The following HMGCS1 variants were observed in gnomAD, a reference collection of about 807,000 sequenced individuals.
HMGCS1 encodes the protein hydroxymethylglutaryl-CoA synthase, cytoplasmic.
A neutral mutation model predicts 52.3 loss-of-function variants in HMGCS1; 9 were observed. The observed-to-expected ratio is 0.17, with a 90% confidence interval of 0.10 to 0.30. HMGCS1 has a LOEUF of 0.30. Among genes scored for constraint, HMGCS1 ranks in the 10% least tolerant of loss-of-function variants. The pLI is 1.00. For synonymous variants in HMGCS1, 176 were observed against 214.4 expected (o/e 0.82, Z 1.57); for missense variants, 320 against 620.9 (o/e 0.52, Z 5.15).
In HMGCS1 at chr5:43,297,214, G is replaced by A. The variant is rs377106866; in HGVS notation, c.575-48C>T. 5.0e-5 allele frequency: 74 copies of A among 1,470,870 alleles called. No individual in the cohort carries two copies. The African/African-American group carries it at 9.8e-4, about 19-fold the overall frequency. The allele number at this position is 1,470,870 out of a possible 1,614,324, so 91.1% of individuals were successfully genotyped here. ...TGTCTATATATTTCTGCTTCTTGAT[G>A]TCTGTATGTTAATAAGTATACTGCA... On this transcript the variant is annotated intron_variant, in intron 4 of 10. Coordinates refer to ENST00000325110, the MANE Select transcript of HMGCS1 (RefSeq NM_001098272.3).
At chr5:43,302,226 A>C (rs1476321354) in intron 2 of HMGCS1, among the ~76,000 whole-genome samples, 2 of 152,228 alleles carry the variant, frequency 1.3e-5, no homozygotes, top group African/African-American at 2.4e-5. Flanking sequence ...AGAGAACTAC[A>C]CTGAAGTCAA....
At chr5:43,294,523 AG>A (rs1753936104) in intron 7 of HMGCS1, 167 bp downstream of exon 7, 3 of 524,628 alleles carry the variant, frequency 5.7e-6, no homozygotes, top group Non-Finnish European at 1.0e-5. Flanking sequence ...GAAGAACTGT[AG>A]CCTCAACCCA....
At chr5:43,312,523 TC>T (rs1754921717) in intron 1 of HMGCS1, among the ~76,000 whole-genome samples, 1 of 152,174 alleles carries the variant, frequency 6.6e-6, no homozygotes, top group Non-Finnish European at 1.5e-5. Context: ...TTTCAAAGAC[TC>T]CATATACTTG....
chr5:43,301,096 C>CT (rs538364294), intron 2 of HMGCS1, among the ~76,000 whole-genome samples: 173 of 152,160 alleles, frequency 1.1e-3, no homozygotes, highest in African/African-American at 4.0e-3. Context: ...GAAAAGCATC[C>CT]TGGTTATAGG....
chr5:43,303,220 G>A (rs1263700430), intron 2 of HMGCS1, among the ~76,000 whole-genome samples: 4 of 152,124 alleles, frequency 2.6e-5, no homozygotes, highest in Non-Finnish European at 5.9e-5. Flanking sequence ...GAAATGTCTG[G>A]GTTTCCCCAC....
chr5:43,291,351 T>A (rs1753757656), intron 10 of HMGCS1, 131 bp from the exon 11 acceptor site: 4 of 602,462 alleles, frequency 6.6e-6, no homozygotes, highest in Non-Finnish European at 8.9e-6. Context: ...AAATATATAT[T>A]TTATATAACT....
chr5:43,297,310 C>T (rs1259442753), intron 4 of HMGCS1, 144 bp from the exon 5 acceptor site: 10 of 648,720 alleles, frequency 1.5e-5, no homozygotes, highest in Non-Finnish European at 1.6e-5. Context: ...CAAGCTGAAG[C>T]CAATATAAGT....
intron 2 of HMGCS1, among the ~76,000 whole-genome samples, chr5:43,299,534 C>CA (rs1357939081): frequency 6.6e-6 from 1 of 151,924 alleles, no homozygotes; most frequent in African/African-American, 2.4e-5. Flanking sequence ...CCTGTAGCCC[C>CA]AGCTACTCAG....
chr5:43,307,898 T>G (rs1754658215), intron 1 of HMGCS1, 74 bp from the exon 2 acceptor site: 2 of 152,136 alleles, frequency 1.3e-5, no homozygotes, highest in Admixed American at 1.3e-4. Flanking sequence ...TGAATCCAAT[T>G]CAAAGTGAGT....
In HMGCS1 at chr5:43,294,846, T is replaced by C. The variant is rs141175419; in HGVS notation, c.921A>G (p.Glu307=). 5.2e-3 allele frequency: 8,417 copies of C among 1,604,396 alleles called. 32 individuals are homozygous for C. The highest frequency in any genetic ancestry group is 5.6e-3 in the Non-Finnish European group (6,525 of 1,174,442). Residue 307 remains glutamate, a synonymous_variant, in exon 7 of 11, where the codon GAA becomes GAG. Transcript: ENST00000325110. ...CCACATCTCTATCAAAGTAGGTGTC[T>C]TCTAATTTAACATCCCTGAAAGATT... The part of the protein sequence containing the change: ...GLEAFGDVKL[E]DTYFDRDVEK...
At chr5:43,309,290 C>T (rs1459636829) in intron 1 of HMGCS1, among the ~76,000 whole-genome samples, 1 of 150,848 alleles carries the variant, frequency 6.6e-6, no homozygotes, top group East Asian at 2.0e-4. Flanking sequence ...GACTGGAATG[C>T]AGTAGCATTC....
chr5:43,311,634 A>G (rs143164065), intron 1 of HMGCS1, among the ~76,000 whole-genome samples: 318 of 152,342 alleles, frequency 2.1e-3, no homozygotes, highest in African/African-American at 7.2e-3. Context: ...TTACAACAAT[A>G]TCGGGTTTTT....
At chr5:43,291,987 C>CTTTTTTTT (rs537398917) in intron 10 of HMGCS1, among the ~76,000 whole-genome samples, 22 of 83,102 alleles carry the variant, frequency 2.6e-4, no homozygotes, top group East Asian at 6.4e-4. Context: ...ACTGTATATT[C>CTTTTTTTT]TTTTTTTTTT....
intron 1 of HMGCS1, among the ~76,000 whole-genome samples, chr5:43,312,479 G>GTT (rs1561130506): frequency 6.6e-6 from 1 of 152,134 alleles, no homozygotes; most frequent in African/African-American, 2.4e-5. Context: ...CAGAATAATC[G>GTT]TTTCTCTACC....
chr5:43,303,391 ACT>A (rs911345744), intron 2 of HMGCS1, among the ~76,000 whole-genome samples: 2 of 152,172 alleles, frequency 1.3e-5, no homozygotes, highest in Non-Finnish European at 2.9e-5. Context: ...ATGCTGTCAT[ACT>A]CTCTCTATGC....
intron 1 of HMGCS1, among the ~76,000 whole-genome samples, chr5:43,309,471 CTA>C (rs1754752250): frequency 6.6e-6 from 1 of 152,154 alleles, no homozygotes; most frequent in Admixed American, 6.5e-5. Flanking sequence ...AACTCCTGGG[CTA>C]AACCAATCCA....
chr5:43,302,337 C>A (rs983692080), intron 2 of HMGCS1, among the ~76,000 whole-genome samples: 2 of 152,188 alleles, frequency 1.3e-5, no homozygotes, highest in Non-Finnish European at 2.9e-5. Context: ...TTATTATATT[C>A]TTTATCCAAA....
chr5:43,312,820 C>T (rs138916979), intron 1 of HMGCS1, among the ~76,000 whole-genome samples: 42 of 152,166 alleles, frequency 2.8e-4, no homozygotes, highest in South Asian at 2.1e-4. Context: ...TGCACCTGAG[C>T]TGAGGAAGAA....
chr5:43,297,965 C>G lies in HMGCS1; in HGVS notation c.574+44G>C, dbSNP rs185957928. 144 of 1,590,166 alleles carry G rather than the reference C, an allele frequency of 9.1e-5. 1 individual carries two copies. The Middle Eastern group carries it at 2.0e-3, about 22-fold the overall frequency. On this transcript the variant is annotated intron_variant, in intron 4 of 10. Coordinates refer to ENST00000325110, the MANE Select transcript of HMGCS1 (RefSeq NM_001098272.3). Reference sequence around the variant, plus strand: ...CTACTTCTATTTTCAAATTTCTCAGCATATTGTGCTAAAAAAAACAAAAAT... The same window carrying G: ...CTACTTCTATTTTCAAATTTCTCAGGATATTGTGCTAAAAAAAACAAAAAT...
Sources: allele counts gnomAD v4.1 joint callset (sites outside exome capture counted in the v4.1 genomes callset), GRCh38; gene constraint gnomAD v4.1.1; transcripts MANE v1.5; gene names NCBI Gene and HGNC (gene_info 2026-07-23, HGNC 2026-07-21).